Variants in DNAH12 observed in about 807,000 individuals in gnomAD.
DNAH12 encodes axonemal beta dynein heavy chain 12.
DNAH12 carries 285 observed loss-of-function variants against 371.5 expected under a neutral mutation model. That is an observed-to-expected ratio of 0.77 (90% CI 0.70 to 0.85). DNAH12 has a LOEUF of 0.85. Among genes scored for constraint, DNAH12 ranks in the 40% least tolerant of loss-of-function variants. The probability of loss-of-function intolerance (pLI) is 0.00; values close to 1 mark genes in which losing one functional copy is unlikely to be tolerated. For synonymous variants in DNAH12, 1,200 were observed against 1,213.0 expected (o/e 0.99, Z 0.22); for missense variants, 3,611 against 3,689.4 (o/e 0.98, Z 0.55).
chr3:57,520,463 G>A (rs1057388357), intron 4 of DNAH12, among the ~76,000 whole-genome samples: 21 of 133,698 alleles, frequency 1.6e-4, no homozygotes, highest in African/African-American at 4.9e-4. Flanking sequence ...TTTTTTTTGA[G>A]ACGGAGTCTT....
chr3:57,352,945 CA>C (rs1291908210), intron 59 of DNAH12, among the ~76,000 whole-genome samples: 10 of 151,860 alleles, frequency 6.6e-5, no homozygotes, highest in Non-Finnish European at 1.5e-4. Context: ...AAAAATTAGC[CA>C]GGGGTGGTGG....
intron 8 of DNAH12, among the ~76,000 whole-genome samples, chr3:57,506,685 A>G (rs1160101220): frequency 6.6e-6 from 1 of 151,932 alleles, no homozygotes; most frequent in Non-Finnish European, 1.5e-5. Flanking sequence ...CAAGTGATCC[A>G]CCTGCCTGGG....
chr3:57,425,638 T>G (rs1243237742), intron 34 of DNAH12, among the ~76,000 whole-genome samples: 1 of 152,220 alleles, frequency 6.6e-6, no homozygotes, highest in East Asian at 1.9e-4. Context: ...CTCAAATATT[T>G]TAGTTTCCCA....
rs1039461916 is a variant in DNAH12, at chr3:57,457,969, T to C, written c.3088A>G (p.Ile1030Val). 3 of 1,550,980 alleles carry C rather than the reference T, an allele frequency of 1.9e-6. No individual in the cohort carries two copies. The highest frequency in any genetic ancestry group is 3.9e-5 in the Admixed American group (2 of 50,910). ...FFLSNDEMLE[I>V]LSETKDPLRV... is the part of the protein sequence containing the mutation. ...AGTGGATCTTTGGTCTCTGATAAAA[T>C]CTCTAACATTTCATCATTAGATAAG... The change falls in exon 22 of 74, where the codon ATT becomes GTT. Residue 1030 changes from isoleucine to valine, a missense_variant. Ile to Val is a conservative substitution (Grantham distance 29). Around this residue, in one of 3 missense-constraint regions of DNAH12, gnomAD observed 1,314 missense variants for 1,398.7 expected, o/e 0.94. Transcript: ENST00000495027.
chr3:57,493,366 G>C (rs2067197504), intron 11 of DNAH12, among the ~76,000 whole-genome samples: 2 of 152,090 alleles, frequency 1.3e-5, no homozygotes, highest in Non-Finnish European at 2.9e-5. Flanking sequence ...GGTATTAGAA[G>C]TAATCTAGAG....
chr3:57,397,661 G>A (rs1398070617), intron 43 of DNAH12, among the ~76,000 whole-genome samples: 1 of 152,166 alleles, frequency 6.6e-6, no homozygotes, highest in Non-Finnish European at 1.5e-5. Flanking sequence ...ATCAGCAACT[G>A]AAAGCTCCTG....
chr3:57,520,045 T>A, intron 4 of DNAH12: 7 of 648,250 alleles, frequency 1.1e-5, no homozygotes, highest in South Asian at 1.8e-5. Context: ...GACGTTGGGT[T>A]GGGGAAAGCC....
chr3:57,345,339 T>C (rs782315898), intron 60 of DNAH12, among the ~76,000 whole-genome samples: 2 of 152,042 alleles, frequency 1.3e-5, no homozygotes, highest in Admixed American at 1.3e-4. Context: ...CTCATGAAAA[T>C]AGACACAAAA....
At chr3:57,523,779 T>C (rs753852568) in intron 3 of DNAH12, 24 bp downstream of exon 3, 1 of 1,575,918 alleles carries the variant, frequency 6.3e-7, no homozygotes, top group Non-Finnish European at 8.6e-7. Context: ...GGATAAACTT[T>C]TTAACGAGAA....
At chr3:57,370,728 C>T (rs2063152391) in intron 55 of DNAH12, among the ~76,000 whole-genome samples, 4 of 152,212 alleles carry the variant, frequency 2.6e-5, no homozygotes, top group Admixed American at 2.6e-4. Context: ...ATATCTAATA[C>T]ATAGATACAG....
chr3:57,323,393 T>C, intron 63 of DNAH12, 76 bp downstream of exon 63: 3 of 1,475,288 alleles, frequency 2.0e-6, no homozygotes, highest in Non-Finnish European at 2.7e-6. Context: ...AACTGATTTA[T>C]AATCATATAA....
chr3:57,470,778 C>T, intron 15 of DNAH12, 142 bp from the exon 16 acceptor site: 1 of 697,808 alleles, frequency 1.4e-6, no homozygotes, highest in Non-Finnish European at 2.2e-6. Context: ...GTGATCTGGG[C>T]TCACTGCAAC....
intron 43 of DNAH12, among the ~76,000 whole-genome samples, chr3:57,397,515 T>C (rs1202783636): frequency 4.6e-5 from 7 of 152,144 alleles, no homozygotes; most frequent in African/African-American, 1.7e-4. Flanking sequence ...ACAGGAACAA[T>C]GGCCAATTTT....
intron 8 of DNAH12, among the ~76,000 whole-genome samples, chr3:57,504,548 C>A (rs528731286): frequency 1.3e-5 from 2 of 152,160 alleles, no homozygotes; most frequent in African/African-American, 4.8e-5. Flanking sequence ...GTAGCTGGGA[C>A]TACGGCGCGT....
chr3:57,551,524 G>GC, the DNAH12 span, among the ~76,000 whole-genome samples: 3 of 149,640 alleles, frequency 2.0e-5, no homozygotes, highest in Admixed American at 6.7e-5. Context: ...GCCCGCCTTG[G>GC]CTCCCAAAGT....
chr3:57,332,407 C>G (rs1357064162), intron 62 of DNAH12, among the ~76,000 whole-genome samples: 1 of 152,128 alleles, frequency 6.6e-6, no homozygotes, highest in Non-Finnish European at 1.5e-5. Context: ...CTACCACAAA[C>G]AATTTAAAAA....
chr3:57,552,782 C>T, the DNAH12 span, among the ~76,000 whole-genome samples: 2 of 151,896 alleles, frequency 1.3e-5, no homozygotes, highest in Admixed American at 6.6e-5. Context: ...GGTGTAGTTG[C>T]GTGTACCTAA....
chr3:57,421,342 A>G (rs2064573053), intron 36 of DNAH12, among the ~76,000 whole-genome samples, 176 bp downstream of exon 36: 2 of 152,328 alleles, frequency 1.3e-5, no homozygotes, highest in Admixed American at 1.3e-4. Flanking sequence ...TAAAAATATT[A>G]TTAAAGCAAA....
chr3:57,304,558 T>C (rs978539462), intron 69 of DNAH12, among the ~76,000 whole-genome samples: 3 of 152,178 alleles, frequency 2.0e-5, no homozygotes, highest in Non-Finnish European at 4.4e-5. Context: ...AGGAGATGCA[T>C]TTTATCCGTG....
Sources: allele counts gnomAD v4.1 joint callset (sites outside exome capture counted in the v4.1 genomes callset), GRCh38; gene constraint gnomAD v4.1.1; regional missense constraint gnomAD v4.1.1; transcripts MANE v1.5; gene names NCBI Gene and HGNC (gene_info 2026-07-23, HGNC 2026-07-21).